PARD3B: variants seen among roughly 807,000 people sequenced by gnomAD.
PARD3B encodes partitioning defective 3 homolog B.
PARD3B carries 103 observed loss-of-function variants against 130.2 expected under a neutral mutation model. The observed-to-expected ratio is 0.79, with a 90% confidence interval of 0.67 to 0.93. The LOEUF (loss-of-function observed/expected upper bound fraction) is 0.93, where lower values mean the gene tolerates loss of function less well. Ranked by LOEUF, PARD3B falls within the 40% of genes least tolerant of loss-of-function variation. The probability of loss-of-function intolerance (pLI) is 0.00; values close to 1 mark genes in which losing one functional copy is unlikely to be tolerated. For synonymous variants in PARD3B, 583 were observed against 553.2 expected, an observed-to-expected ratio of 1.05 and a Z score of -0.76; for missense variants, 1,609 against 1,499.2, an observed-to-expected ratio of 1.07 and a Z score of -1.21.
rs118072547 is a variant in PARD3B at position 204,971,655 on chromosome 2, A to G, written c.394+6332A>G. 2.4e-4 allele frequency among the ~76,000 whole-genome samples: 37 copies of G among 151,536 alleles called. No individual in the cohort carries two copies. In the East Asian group the frequency reaches 5.3e-3, roughly 22 times the overall value. ...TCCCCCTCCATGAAGGCTTAAATGA[A>G]TAATGTTGTAATTAGCTATGGTAAC... is the stretch of plus-strand genomic sequence containing the variant. On this transcript the variant is annotated intron_variant, in intron 3 of 22. Coordinates refer to ENST00000406610, the MANE Select transcript of PARD3B (RefSeq NM_001302769.2).
At chr2:204,742,464 G>T (rs1223611009) in intron 2 of PARD3B, among the ~76,000 whole-genome samples, 1 of 152,150 alleles carries the variant, frequency 6.6e-6, no homozygotes, top group Non-Finnish European at 1.5e-5. Flanking sequence ...GATAGAGTAA[G>T]GGGGCAGGAC....
chr2:205,080,621 A>G (rs1042049290), intron 4 of PARD3B, among the ~76,000 whole-genome samples: 1 of 152,122 alleles, frequency 6.6e-6, no homozygotes, highest in African/African-American at 2.4e-5. Context: ...TAATGCTTCT[A>G]TGAGCATCTT....
At chr2:204,797,412 A>G (rs2042413745) in intron 2 of PARD3B, among the ~76,000 whole-genome samples, 1 of 152,202 alleles carries the variant, frequency 6.6e-6, no homozygotes, top group Non-Finnish European at 1.5e-5. Flanking sequence ...TACCTCAAAG[A>G]AAATGTAATC....
At chr2:204,578,474 G>T (rs1441348216) in intron 1 of PARD3B, among the ~76,000 whole-genome samples, 2 of 152,166 alleles carry the variant, frequency 1.3e-5, no homozygotes, top group African/African-American at 2.4e-5. Flanking sequence ...TTTTGTGTGT[G>T]TTGTACAAGA....
intron 2 of PARD3B, among the ~76,000 whole-genome samples, chr2:204,825,038 T>G (rs533373585): frequency 4.6e-5 from 7 of 152,304 alleles, no homozygotes; most frequent in South Asian, 2.1e-4. Flanking sequence ...TTTTCCTGGT[T>G]GGTCCTGAGT....
intron 20 of PARD3B, among the ~76,000 whole-genome samples, chr2:205,480,006 G>A (rs573503810): frequency 1.1e-4 from 17 of 150,548 alleles, no homozygotes; most frequent in South Asian, 2.1e-4. Flanking sequence ...AGGTTCAAGC[G>A]ATTCTCCTGC....
intron 3 of PARD3B, among the ~76,000 whole-genome samples, chr2:205,039,670 A>G (rs1361280886): frequency 2.0e-5 from 3 of 151,916 alleles, no homozygotes; most frequent in African/African-American, 7.3e-5. Context: ...GGGTTTTGTC[A>G]TGTTGGCCAG....
chr2:204,740,747 T>C (rs1442074588), intron 2 of PARD3B, among the ~76,000 whole-genome samples: 2 of 152,204 alleles, frequency 1.3e-5, no homozygotes, highest in African/African-American at 4.8e-5. Flanking sequence ...CCTCAGAGCA[T>C]GGTGACACCA....
chr2:205,209,904 T>G (rs73059292), intron 15 of PARD3B, among the ~76,000 whole-genome samples: 25,563 of 151,994 alleles, frequency 0.17, 2,494 homozygotes, highest in African/African-American at 0.27. Context: ...AACTAAAGGA[T>G]TACTGGATTG....
chr2:205,245,158 G>C (rs564556868), intron 15 of PARD3B, among the ~76,000 whole-genome samples: 1 of 152,122 alleles, frequency 6.6e-6, no homozygotes, highest in African/African-American at 2.4e-5. Flanking sequence ...TGGCTTTCCC[G>C]CACGGCTGCC....
intron 2 of PARD3B, among the ~76,000 whole-genome samples, chr2:204,781,522 T>G (rs1469039551): frequency 6.6e-6 from 1 of 152,144 alleles, no homozygotes; most frequent in Non-Finnish European, 1.5e-5. Flanking sequence ...TGATGTTTAC[T>G]TTTCATATCA....
chr2:205,451,428 C>T (rs776467453), intron 20 of PARD3B, among the ~76,000 whole-genome samples: 1 of 152,064 alleles, frequency 6.6e-6, no homozygotes, highest in Non-Finnish European at 1.5e-5. Context: ...TAGTGAGTGG[C>T]TTTTAGGGCG....
intron 1 of PARD3B, among the ~76,000 whole-genome samples, chr2:204,553,006 A>G (rs986698492): frequency 3.9e-5 from 6 of 152,216 alleles, no homozygotes; most frequent in Admixed American, 3.9e-4. Flanking sequence ...CAATCTATAC[A>G]TCTGACAAAG....
At chr2:205,586,001 A>G (rs2054183771) in intron 22 of PARD3B, among the ~76,000 whole-genome samples, 1 of 152,132 alleles carries the variant, frequency 6.6e-6, no homozygotes, top group Non-Finnish European at 1.5e-5. Context: ...AAAACACAAC[A>G]GCTTGACTTG....
At chr2:205,528,899 C>T (rs2051457205) in intron 21 of PARD3B, among the ~76,000 whole-genome samples, 1 of 152,146 alleles carries the variant, frequency 6.6e-6, no homozygotes, top group South Asian at 2.1e-4. Flanking sequence ...AAGTGGCTAC[C>T]TAACATGCTG....
At chr2:204,674,435 C>A (rs2036439917) in intron 1 of PARD3B, among the ~76,000 whole-genome samples, 1 of 149,562 alleles carries the variant, frequency 6.7e-6, no homozygotes, top group South Asian at 2.1e-4. Context: ...GTAGTATTAT[C>A]CCCAATCCTT....
Position 204,688,578 on chromosome 2 carries a change from TAA to T in PARD3B, c.222+2314_222+2315del, listed in dbSNP as rs568862087. ...CTGGGTGACAGAGCAAGACTCCATC[TAA>T]AAAAAAAAAAAAAAAAAGGTGAAAA... On this transcript the variant is annotated intron_variant, in intron 2 of 22. Transcript: ENST00000406610. 7.8e-3 allele frequency among the ~76,000 whole-genome samples: 734 copies of T among 94,540 alleles called. 2 individuals carry two copies. The highest frequency in any genetic ancestry group is 0.023 in the African/African-American group (639 of 28,000). The allele number at this position is 94,540 out of a possible 152,430, so 62.0% of individuals were successfully genotyped here.
chr2:205,070,824 T>C (rs1429635881), intron 4 of PARD3B, among the ~76,000 whole-genome samples: 1 of 152,186 alleles, frequency 6.6e-6, no homozygotes, highest in Non-Finnish European at 1.5e-5. Flanking sequence ...AATATTTTTA[T>C]AACTAACAAT....
chr2:205,392,779 G>C (rs571214614), intron 18 of PARD3B, among the ~76,000 whole-genome samples: 3 of 152,136 alleles, frequency 2.0e-5, no homozygotes, highest in Non-Finnish European at 4.4e-5. Flanking sequence ...CCTGGGTTTT[G>C]TAGCATTTTG....
Sources: gnomAD v4.1 joint callset for allele counts (sites outside exome capture counted in the v4.1 genomes callset) on GRCh38, gnomAD v4.1.1 for gene constraint, MANE v1.5 for transcripts, NCBI Gene and HGNC (gene_info 2026-07-23, HGNC 2026-07-21) for gene names.